The following XKR4 variants were observed in gnomAD, a reference collection of about 807,000 sequenced individuals.
XKR4 encodes the protein XK related 4, also known as XK-related protein 4.
In XKR4, 12 loss-of-function variants were observed where a neutral mutation model predicts 53.9. That is an observed-to-expected ratio of 0.22 (90% CI 0.14 to 0.36). XKR4 has a LOEUF of 0.36. Ranked by LOEUF, XKR4 falls within the 10% of genes least tolerant of loss-of-function variation. The probability of loss-of-function intolerance (pLI) is 1.00; values close to 1 mark genes in which losing one functional copy is unlikely to be tolerated. For synonymous variants in XKR4, 354 were observed against 362.4 expected (o/e 0.98, Z 0.26); for missense variants, 799 against 859.5 (o/e 0.93, Z 0.88).
At chr8:55,288,377 G>A (rs992539540) in intron 1 of XKR4, among the ~76,000 whole-genome samples, 5 of 152,106 alleles carry the variant, frequency 3.3e-5, no homozygotes, top group African/African-American at 1.2e-4. Context: ...AAAAGTAAGG[G>A]GTGTAAAATT....
chr8:55,352,592 A>C (rs922572178), intron 1 of XKR4, among the ~76,000 whole-genome samples: 1 of 152,362 alleles, frequency 6.6e-6, no homozygotes, highest in African/African-American at 2.4e-5. Flanking sequence ...TCAATCAATA[A>C]ATAGTAAGAA....
At chr8:55,132,789 G>A (rs955769495) in intron 1 of XKR4, among the ~76,000 whole-genome samples, 5 of 152,208 alleles carry the variant, frequency 3.3e-5, no homozygotes, top group Non-Finnish European at 2.9e-5. Context: ...CATCCAGGAT[G>A]TTCTCAGAAT....
chr8:55,360,138 C>T (rs1803878308), intron 2 of XKR4, among the ~76,000 whole-genome samples: 2 of 152,146 alleles, frequency 1.3e-5, no homozygotes, highest in Non-Finnish European at 2.9e-5. Context: ...GGAATAAGCC[C>T]ACTATGTTGA....
intron 1 of XKR4, among the ~76,000 whole-genome samples, chr8:55,192,344 A>T (rs1017904748): frequency 2.0e-5 from 3 of 151,680 alleles, no homozygotes; most frequent in Non-Finnish European, 2.9e-5. Flanking sequence ...CTCAAATATT[A>T]AAAAAATGGC....
chr8:55,505,876 C>T (rs1371988722), intron 2 of XKR4, among the ~76,000 whole-genome samples: 2 of 152,186 alleles, frequency 1.3e-5, no homozygotes, highest in Non-Finnish European at 1.5e-5. Context: ...TACTAAGATA[C>T]ATGAAGTAAT....
chr8:55,103,534 T>A (rs544837646), intron 1 of XKR4, among the ~76,000 whole-genome samples: 4 of 152,106 alleles, frequency 2.6e-5, no homozygotes, highest in Non-Finnish European at 5.9e-5. Flanking sequence ...ACCTCATCCC[T>A]TCTGTCTTCC....
chr8:55,328,221 C>T (rs548933804), intron 1 of XKR4, among the ~76,000 whole-genome samples: 5 of 152,240 alleles, frequency 3.3e-5, no homozygotes, highest in Admixed American at 2.6e-4. Context: ...TGGGTGGGGA[C>T]TCAGTCAAAC....
intron 1 of XKR4, among the ~76,000 whole-genome samples, chr8:55,339,854 A>G (rs1392227936): frequency 6.6e-6 from 1 of 151,710 alleles, no homozygotes; most frequent in African/African-American, 2.4e-5. Flanking sequence ...GATTTTTACT[A>G]TTATGTTTTT....
intron 2 of XKR4, among the ~76,000 whole-genome samples, chr8:55,373,533 G>A (rs1024483663): frequency 1.3e-5 from 2 of 151,998 alleles, no homozygotes; most frequent in Non-Finnish European, 2.9e-5. Flanking sequence ...ATTTGATGGG[G>A]CATGAACTTC....
chr8:55,256,499 T>C (rs368634283), intron 1 of XKR4, among the ~76,000 whole-genome samples: 10 of 152,280 alleles, frequency 6.6e-5, no homozygotes, highest in Middle Eastern at 6.8e-3. Flanking sequence ...TTGGGAAACA[T>C]TTAGGAAACA....
rs184810909 is a variant in XKR4, at chr8:55,197,629, C to T, written c.806+94335C>T. 2.1e-3 allele frequency among the ~76,000 whole-genome samples: 325 copies of T among 151,682 alleles called. 1 individual carries two copies. Among genetic ancestry groups the T allele is most frequent in the African/African-American group, 7.3e-3 (303 of 41,344 alleles). On this transcript the variant is annotated intron_variant, in intron 1 of 2. Coordinates refer to ENST00000327381, the MANE Select transcript of XKR4 (RefSeq NM_052898.2). ...CACAATCTCGGCTCACTGCAACCTCCGCCTCCTGGGTTCACGCCATTCTCC... is the reference window on the plus strand; with the variant it reads ...CACAATCTCGGCTCACTGCAACCTCTGCCTCCTGGGTTCACGCCATTCTCC...
chr8:55,116,174 A>G (rs556676168), intron 1 of XKR4, among the ~76,000 whole-genome samples: 1 of 152,266 alleles, frequency 6.6e-6, no homozygotes, highest in South Asian at 2.1e-4. Context: ...TGGAAGGGAT[A>G]GTGGAGAGCG....
chr8:55,169,972 A>G (rs1325692503), intron 1 of XKR4, among the ~76,000 whole-genome samples: 1 of 152,176 alleles, frequency 6.6e-6, no homozygotes, highest in Non-Finnish European at 1.5e-5. Flanking sequence ...CTGCCATTTT[A>G]TAATGTTGCA....
At chr8:55,449,690 A>G in intron 2 of XKR4, 1 of 887,026 alleles carries the variant, frequency 1.1e-6, no homozygotes, top group Non-Finnish European at 1.9e-6. Context: ...CTCCACCTCC[A>G]CCAGGTCGAT....
At chr8:55,230,450 C>T (rs1312139394) in intron 1 of XKR4, among the ~76,000 whole-genome samples, 2 of 151,400 alleles carry the variant, frequency 1.3e-5, no homozygotes, top group South Asian at 4.2e-4. Context: ...ACAACCTCTG[C>T]CTCCTGGGCA....
intron 2 of XKR4, among the ~76,000 whole-genome samples, chr8:55,522,318 T>C (rs1000383599): frequency 6.6e-6 from 1 of 152,222 alleles, no homozygotes; most frequent in Non-Finnish European, 1.5e-5. Flanking sequence ...CAATCTTTAA[T>C]CTATGAAGAG....
intron 2 of XKR4, among the ~76,000 whole-genome samples, chr8:55,490,053 A>G (rs747074311): frequency 9.2e-5 from 14 of 152,140 alleles, no homozygotes; most frequent in Non-Finnish European, 2.1e-4. Context: ...GATCCATTTT[A>G]TATTTACCTA....
chr8:55,467,816 T>C (rs1324667471), intron 2 of XKR4, among the ~76,000 whole-genome samples: 2 of 152,198 alleles, frequency 1.3e-5, no homozygotes, highest in Non-Finnish European at 2.9e-5. Flanking sequence ...AGTCCATTTA[T>C]GTGGTTGTTT....
intron 1 of XKR4, among the ~76,000 whole-genome samples, chr8:55,266,657 G>A (rs1473317308): frequency 1.3e-5 from 2 of 152,056 alleles, no homozygotes; most frequent in East Asian, 1.9e-4. Flanking sequence ...AAAATGAGAG[G>A]TTTTGTGATT....
Sources: allele counts gnomAD v4.1 joint callset (sites outside exome capture counted in the v4.1 genomes callset), GRCh38; gene constraint gnomAD v4.1.1; transcripts MANE v1.5; gene names NCBI Gene and HGNC (gene_info 2026-07-23, HGNC 2026-07-21).